TBL1Y: variants seen among roughly 807,000 people sequenced by gnomAD.
The protein encoded by TBL1Y is F-box-like/WD repeat-containing protein TBL1Y.
A neutral mutation model predicts 12.0 loss-of-function variants in TBL1Y; 15 were observed. That is an observed-to-expected ratio of 1.25 (90% confidence interval 0.83 to 1.92). The LOEUF (loss-of-function observed/expected upper bound fraction) is 1.92, where lower values mean the gene tolerates loss of function less well. Among genes scored for constraint, TBL1Y ranks in the 40% most tolerant of loss-of-function variants. The pLI, the probability that TBL1Y is intolerant of heterozygous loss-of-function variation, is 0.00. For missense variants in TBL1Y, 148 were observed against 116.7 expected (o/e 1.27, Z -1.24); for synonymous variants, 53 against 42.6 (o/e 1.24, Z -0.95).
chrY:6,922,337 T>C (rs769498822), intron 2 of TBL1Y, among the ~76,000 whole-genome samples: 351 of 34,336 alleles, frequency 0.01, no homozygotes, highest in Middle Eastern at 0.028. Context: ...CCCACCCACA[T>C]CCTACTGATT....
At chrY:6,948,505 GAAAAAAAAA>G (rs2012000108) in intron 2 of TBL1Y, among the ~76,000 whole-genome samples, 1 of 8,305 alleles carries the variant, frequency 1.2e-4, no homozygotes, top group Admixed American at 1.3e-3. Flanking sequence ...CATCTCTACT[GAAAAAAAAA>G]AAAAAAAAAA....
intron 16 of TBL1Y, among the ~76,000 whole-genome samples, chrY:7,086,757 T>C (rs2013140167): frequency 3.3e-5 from 1 of 30,104 alleles, no homozygotes; most frequent in Non-Finnish European, 7.8e-5. Flanking sequence ...TCCCAGCTAC[T>C]TGGGAGGCAG....
chrY:6,978,739 C>T (rs2012261355), intron 3 of TBL1Y, among the ~76,000 whole-genome samples: 1 of 32,574 alleles, frequency 3.1e-5, no homozygotes, highest in Non-Finnish European at 7.5e-5. Flanking sequence ...TTTTTTTTGT[C>T]TCTAAAGATT....
intron 7 of TBL1Y, among the ~76,000 whole-genome samples, chrY:7,043,525 C>T (rs2124162717): frequency 3.5e-5 from 1 of 28,425 alleles, no homozygotes; most frequent in East Asian, 8.9e-4. Context: ...GACCATATAT[C>T]TAAAATAAAT....
At chrY:7,045,284 C>T (rs962686085) in intron 7 of TBL1Y, among the ~76,000 whole-genome samples, 1 of 33,345 alleles carries the variant, frequency 3.0e-5, no homozygotes, top group African/African-American at 1.2e-4. Flanking sequence ...CCCAAGGATC[C>T]CATTACAGAA....
chrY:7,074,152 G>T, intron 12 of TBL1Y, among the ~76,000 whole-genome samples: 1 of 33,912 alleles, frequency 2.9e-5, no homozygotes, highest in Non-Finnish European at 7.3e-5. Context: ...GGTTAGGCTT[G>T]CCCTGACCTT....
At chrY:6,922,229 G>C in intron 2 of TBL1Y, among the ~76,000 whole-genome samples, 2 of 34,174 alleles carry the variant, frequency 5.9e-5, no homozygotes, top group African/African-American at 1.1e-4. Flanking sequence ...TGGACCCAAA[G>C]AGTGAGTAGC....
chrY:6,999,639 GTTTTTTTT>G (rs754791887), intron 4 of TBL1Y, among the ~76,000 whole-genome samples: 5 of 13,008 alleles, frequency 3.8e-4, no homozygotes, highest in Non-Finnish European at 6.0e-4. Flanking sequence ...GCTTTCATTT[GTTTTTTTT>G]TTTTTTTTTT....
At chrY:7,026,389 A>G in intron 6 of TBL1Y, among the ~76,000 whole-genome samples, 1 of 33,789 alleles carries the variant, frequency 3.0e-5, no homozygotes, top group Non-Finnish European at 7.3e-5. Flanking sequence ...CTCTTAGACT[A>G]GCACAGGTGA....
chrY:7,044,889 G>A, intron 7 of TBL1Y, among the ~76,000 whole-genome samples: 2 of 33,468 alleles, frequency 6.0e-5, no homozygotes, highest in African/African-American at 2.3e-4. Context: ...CAGCTGATCC[G>A]CCAACCTCTG....
chrY:7,070,081 A>G, intron 8 of TBL1Y, 115 bp from the exon 9 acceptor site: 15 of 206,722 alleles, frequency 7.3e-5, no homozygotes, highest in Non-Finnish European at 1.3e-4. Context: ...TAGACTCGTT[A>G]GAGGTAGTGT....
intron 15 of TBL1Y, 97 bp from the exon 16 acceptor site, chrY:7,086,193 C>T: frequency 2.9e-6 from 1 of 343,539 alleles, no homozygotes; most frequent in South Asian, 3.3e-5. Context: ...CCGCCGTGGG[C>T]CATTAGCCTC....
chrY:6,939,761 C>T (rs2011935337), intron 2 of TBL1Y, among the ~76,000 whole-genome samples: 3 of 26,996 alleles, frequency 1.1e-4, no homozygotes, highest in Admixed American at 3.6e-4. Flanking sequence ...GTAACCTCCA[C>T]CTCCTGGGTT....
chrY:6,955,084 TA>T (rs2124112383), intron 2 of TBL1Y, among the ~76,000 whole-genome samples: 1 of 33,794 alleles, frequency 3.0e-5, no homozygotes, highest in South Asian at 6.6e-4. Flanking sequence ...CACAAAACAT[TA>T]AAATGGAAAA....
chrY:7,004,799 G>T (rs2012476043), intron 4 of TBL1Y, among the ~76,000 whole-genome samples: 1 of 33,115 alleles, frequency 3.0e-5, no homozygotes, highest in Non-Finnish European at 7.4e-5. Flanking sequence ...CTGCCATTTT[G>T]TTTTTCTGAA....
intron 2 of TBL1Y, among the ~76,000 whole-genome samples, chrY:6,958,543 C>T: frequency 3.1e-5 from 1 of 32,780 alleles, no homozygotes; most frequent in Admixed American, 2.8e-4. Flanking sequence ...AAAGGACCTG[C>T]ACCAGCACTG....
chrY:6,949,991 A>G, intron 2 of TBL1Y, among the ~76,000 whole-genome samples: 1 of 33,649 alleles, frequency 3.0e-5, no homozygotes, highest in Non-Finnish European at 7.4e-5. Context: ...TATCTAAGAC[A>G]GTTTTTATTC....
At chrY:6,954,457 G>A in intron 2 of TBL1Y, among the ~76,000 whole-genome samples, 1 of 34,188 alleles carries the variant, frequency 2.9e-5, no homozygotes, top group Non-Finnish European at 7.3e-5. Flanking sequence ...CTCCATGGGC[G>A]TGGGACCCTC....
chrY:7,025,301 C>T (rs2012618032), intron 6 of TBL1Y, among the ~76,000 whole-genome samples, 159 bp downstream of exon 6: 1 of 33,558 alleles, frequency 3.0e-5, no homozygotes, highest in South Asian at 6.8e-4. Context: ...CATGTCATCC[C>T]ACCTTCCTCA....
Sources: allele counts gnomAD v4.1 joint callset (sites outside exome capture counted in the v4.1 genomes callset), GRCh38; gene constraint gnomAD v4.1.1; transcripts MANE v1.5; gene names NCBI Gene and HGNC (gene_info 2026-07-23, HGNC 2026-07-21).